TOP1MT: variants seen among roughly 807,000 people sequenced by gnomAD.
TOP1MT encodes DNA topoisomerase I, mitochondrial.
Under a neutral mutation model 73.9 loss-of-function variants are expected in TOP1MT, and 80 were observed. The ratio of observed to expected loss-of-function variants is 1.08; its 90% CI spans 0.90 to 1.30. The LOEUF (loss-of-function observed/expected upper bound fraction) is 1.30, where lower values mean the gene tolerates loss of function less well. TOP1MT is among the 50% of genes most tolerant of loss of function. The pLI is 0.00. For synonymous variants in TOP1MT, 338 were observed against 326.4 expected (o/e 1.04, Z -0.38); for missense variants, 815 against 808.0 (o/e 1.01, Z -0.10).
At chr8:143,359,507 A>T, upstream of TOP1MT, 1 of 875,492 alleles carries the variant, frequency 1.1e-6, no homozygotes, top group Non-Finnish European at 1.4e-6. Flanking sequence ...GGGCCCAAGC[A>T]GAAAGTCAGG....
At chr8:143,314,829 A>G (rs1816109003) in intron 12 of TOP1MT, among the ~76,000 whole-genome samples, 1 of 152,178 alleles carries the variant, frequency 6.6e-6, no homozygotes, top group African/African-American at 2.4e-5. Context: ...GTTGGTAGCA[A>G]TTACTCTTTT....
At chr8:143,312,509 CT>C (rs1355380540) in intron 12 of TOP1MT, among the ~76,000 whole-genome samples, 1 of 127,392 alleles carries the variant, frequency 7.8e-6, no homozygotes, top group East Asian at 2.9e-4. Context: ...AAATCCAATG[CT>C]CTTCATGATA....
chr8:143,326,267 C>T lies in TOP1MT; in HGVS notation c.438G>A (p.Val146=). The change falls in exon 4 of 14, where the codon GTG becomes GTA. Residue 146 remains valine, a synonymous_variant. Transcript: ENST00000329245. The part of the protein sequence containing the change: ...CDFTEIHRYF[V]DKAAARKVLS... ...GGACTTTCCGGGCTGCGGCCTTGTC[C>T]ACAAAGTATCTGTGGATCTCCGTGA... is the stretch of plus-strand genomic sequence containing the variant. 6.2e-7 allele frequency: 1 copy of T among 1,614,028 alleles called. No homozygotes were observed. The highest frequency in any genetic ancestry group is 8.5e-7 in the Non-Finnish European group (1 of 1,180,028).
chr8:143,321,203 G>C lies in TOP1MT; in HGVS notation c.1144C>G (p.Pro382Ala). ...RYYNRVPVEK[P>A]VYKNLQLFME... Reference sequence around the variant, plus strand: ...GCAGCTGGCGCGAGGGCACTCACCGGCTTCTCCACCGGCACTCTGTTGTAG... The same window carrying C: ...GCAGCTGGCGCGAGGGCACTCACCGCCTTCTCCACCGGCACTCTGTTGTAG... The change falls in exon 8 of 14, where the codon CCG becomes GCG. Residue 382 changes from proline to alanine, a missense_variant and splice_region_variant. By Grantham distance (27) the Pro-to-Ala change is conservative (BLOSUM62 -1). Coordinates refer to ENST00000329245, the MANE Select transcript of TOP1MT (RefSeq NM_052963.3). The C allele has an allele frequency of 6.3e-7, 1 of 1,591,248 alleles. No individual in the cohort carries two copies. The highest frequency in any genetic ancestry group is 8.6e-7 in the Non-Finnish European group (1 of 1,165,350).
At chr8:143,336,347 A>G (rs1816981196), upstream of TOP1MT, among the ~76,000 whole-genome samples, 1 of 152,156 alleles carries the variant, frequency 6.6e-6, no homozygotes, top group Admixed American at 6.5e-5. Flanking sequence ...AAGATTTCTC[A>G]ATAGATGCAG....
chr8:143,354,095 A>G (rs573034709), intron 1 of TOP1MT, among the ~76,000 whole-genome samples: 1 of 152,008 alleles, frequency 6.6e-6, no homozygotes, highest in East Asian at 1.9e-4. Context: ...TCAGACAAAC[A>G]CTTATAAAGA....
intron 12 of TOP1MT, among the ~76,000 whole-genome samples, chr8:143,315,523 A>G (rs1275071095): frequency 2.0e-5 from 3 of 151,618 alleles, no homozygotes; most frequent in African/African-American, 7.3e-5. Context: ...CGGGGCCACT[A>G]CCAGTCTCCG....
intron 8 of TOP1MT, among the ~76,000 whole-genome samples, chr8:143,320,707 A>G (rs1407077922): frequency 5.3e-5 from 8 of 152,250 alleles, no homozygotes; most frequent in African/African-American, 1.9e-4. Flanking sequence ...GAAGATGGCC[A>G]TGTGACAACG....
At chr8:143,330,168 A>G (rs1417700903) in intron 2 of TOP1MT, among the ~76,000 whole-genome samples, 1 of 152,246 alleles carries the variant, frequency 6.6e-6, no homozygotes, top group African/African-American at 2.4e-5. Context: ...CCCAGAGACC[A>G]GCAGCACAGG....
chr8:143,349,752 T>C (rs1239206549), upstream of TOP1MT, among the ~76,000 whole-genome samples: 9 of 152,052 alleles, frequency 5.9e-5, no homozygotes, highest in Non-Finnish European at 1.3e-4. Context: ...GTAATTCTTC[T>C]GCCTCAGCCT....
intron 11 of TOP1MT, 66 bp downstream of exon 11, chr8:143,315,933 C>T (rs1020275875): frequency 1.1e-5 from 18 of 1,611,068 alleles, no homozygotes; most frequent in Middle Eastern, 1.7e-4. Context: ...AGGCCTGTGC[C>T]GAGGCTCTGG....
chr8:143,322,466 G>GGCACGCCACACAGGCACGCCACAC (rs1296494891), intron 7 of TOP1MT, among the ~76,000 whole-genome samples: 3 of 45,282 alleles, frequency 6.6e-5, no homozygotes, highest in Non-Finnish European at 1.2e-4. Flanking sequence ...ATGCCACACA[G>GGCACGCCACACAGGCACGCCACAC]GCACGCCACA....
At chr8:143,320,608 T>A (rs1366636812) in intron 8 of TOP1MT, among the ~76,000 whole-genome samples, 1 of 152,200 alleles carries the variant, frequency 6.6e-6, no homozygotes, top group Non-Finnish European at 1.5e-5. Flanking sequence ...TAGAGACTGA[T>A]AAGATGAAGT....
chr8:143,336,817 T>C (rs1392824508), upstream of TOP1MT, among the ~76,000 whole-genome samples: 1 of 151,960 alleles, frequency 6.6e-6, no homozygotes, highest in Non-Finnish European at 1.5e-5. Context: ...ACCCTATCTC[T>C]ATGGAAAATA....
intron 7 of TOP1MT, among the ~76,000 whole-genome samples, chr8:143,322,337 C>A (rs1304532787): frequency 9.3e-6 from 1 of 107,750 alleles, no homozygotes. Flanking sequence ...ATGCCACACA[C>A]ACAGGCACGC....
chr8:143,329,834 A>T (rs1213383523), intron 2 of TOP1MT, among the ~76,000 whole-genome samples: 1 of 152,242 alleles, frequency 6.6e-6, no homozygotes, highest in African/African-American at 2.4e-5. Context: ...AATAAAAGTT[A>T]AGGCTTCAAA....
At chr8:143,311,341 T>G (rs1212071487) in intron 12 of TOP1MT, among the ~76,000 whole-genome samples, 1 of 151,988 alleles carries the variant, frequency 6.6e-6, no homozygotes, top group Non-Finnish European at 1.5e-5. Flanking sequence ...CAGCCTTATT[T>G]TTCACTGAAT....
chr8:143,348,606 T>TGG (rs71516023), upstream of TOP1MT, among the ~76,000 whole-genome samples: 532 of 127,714 alleles, frequency 4.2e-3, 2 homozygotes, highest in African/African-American at 0.013. This position sits in a 1 kb window ranked among gnomAD's most constrained non-coding sequence, Gnocchi z 4.6. Context: ...AGCTGGGGGG[T>TGG]GGGGGGGGGT....
chr8:143,321,457 A>AT, intron 7 of TOP1MT, 71 bp from the exon 8 acceptor site: 1 of 733,422 alleles, frequency 1.4e-6, no homozygotes, highest in Non-Finnish European at 1.8e-6. Context: ...CGCCACACAC[A>AT]CGCACGCCAC....
Sources: gnomAD v4.1 joint callset for allele counts (sites outside exome capture counted in the v4.1 genomes callset) on GRCh38, gnomAD v4.1.1 for gene constraint, Gnocchi (gnomAD v3.1) non-coding constraint, MANE v1.5 for transcripts, NCBI Gene and HGNC (gene_info 2026-07-23, HGNC 2026-07-21) for gene names.